The following IGDCC4 variants were observed in gnomAD, a reference collection of about 807,000 sequenced individuals.
The protein encoded by IGDCC4 is immunoglobulin superfamily DCC subclass member 4.
IGDCC4 carries 72 observed loss-of-function variants against 116.6 expected under a neutral mutation model. That is an observed-to-expected ratio of 0.62 (90% CI 0.51 to 0.75). The LOEUF (loss-of-function observed/expected upper bound fraction) is 0.75, where lower values mean the gene tolerates loss of function less well. IGDCC4 is among the 30% of genes least tolerant of loss of function. The pLI is 0.00. For missense variants in IGDCC4, 1,501 were observed against 1,662.4 expected (o/e 0.90, Z 1.69); for synonymous variants, 709 against 719.9 (o/e 0.98, Z 0.24).
intron 5 of IGDCC4, among the ~76,000 whole-genome samples, chr15:65,398,533 CAA>C (rs3082803): frequency 0.3 from 23,454 of 77,022 alleles, 2,661 homozygotes; most frequent in East Asian, 0.41. Context: ...AACTCCATCT[CAA>C]AAAAAAAAAA....
chr15:65,395,739 G>T lies in IGDCC4; in HGVS notation c.1411+11C>A. On this transcript the variant is annotated intron_variant, in intron 7 of 19. Transcript: ENST00000352385. ...GCCTGCGCTGGTGCATCCCGCCCCAGGCCGACGTACCCCGTGCCTTCTGGT... is the reference window on the plus strand; with the variant it reads ...GCCTGCGCTGGTGCATCCCGCCCCATGCCGACGTACCCCGTGCCTTCTGGT... The T allele has an allele frequency of 7.0e-7, 1 of 1,430,662 alleles. No individual in the cohort carries two copies. 88.6% of individuals were successfully genotyped at this position (1,430,662 alleles called of 1,614,324 possible).
rs750275249 is a variant in IGDCC4 at position 65,396,886 on chromosome 15, G to T, written c.945C>A (p.Asn315Lys). ...TGGCGAAGTCGCGCGTGCGGGGCTT[G>T]TTGGCGCGGCAGACATAGACGCCGG... Reference protein sequence around the residue: ...WHSGVYVCRANKPRTRDFATA... With the variant: ...WHSGVYVCRAKKPRTRDFATA... The change falls in exon 6 of 20, where the codon AAC becomes AAA. Residue 315 changes from asparagine (N) to lysine (K), a missense_variant. Physicochemically the swap from Asn to Lys is moderately conservative, Grantham distance 94. Coordinates refer to ENST00000352385, the MANE Select transcript of IGDCC4 (RefSeq NM_020962.3). 1 of 1,576,700 alleles carries T rather than the reference G, an allele frequency of 6.3e-7. No homozygotes were observed. The highest frequency in any genetic ancestry group is 1.2e-5 in the South Asian group (1 of 86,052).
At chr15:65,417,572 C>A (rs1050321145) in intron 1 of IGDCC4, among the ~76,000 whole-genome samples, 2 of 152,168 alleles carry the variant, frequency 1.3e-5, no homozygotes, top group African/African-American at 4.8e-5. Flanking sequence ...ACGCTGGCAC[C>A]CCCATCATCG....
At chr15:65,420,242 C>A (rs1356306720) in intron 1 of IGDCC4, among the ~76,000 whole-genome samples, 2 of 152,196 alleles carry the variant, frequency 1.3e-5, no homozygotes, top group African/African-American at 4.8e-5. Flanking sequence ...CCACCGCACC[C>A]GGCCTATTTC....
intron 12 of IGDCC4, 49 bp downstream of exon 12, chr15:65,391,831 C>A (rs753325083): frequency 2.6e-6 from 4 of 1,527,084 alleles, no homozygotes; most frequent in Non-Finnish European, 3.6e-6. Context: ...AAGCGGCTAG[C>A]AGAGCCCTCA....
intron 3 of IGDCC4, 48 bp from the exon 4 acceptor site, chr15:65,402,535 A>G (rs2062998643): frequency 5.2e-6 from 8 of 1,548,416 alleles, no homozygotes; most frequent in Non-Finnish European, 6.1e-6. Context: ...GGGGGGCCAC[A>G]GGGAGGGTGG....
At position 65,393,381 on chromosome 15, in the gene IGDCC4, C is replaced by G; in HGVS notation, c.1865G>C (p.Ser622Thr). 6.2e-7 allele frequency: 1 copy of G among 1,612,432 alleles called. No homozygotes were observed. Among genetic ancestry groups the G allele is most frequent in the Non-Finnish European group, 8.5e-7 (1 of 1,179,114 alleles). ...CGTACCATGGCTCTGGTTGTGCATA[C>G]TGGGCGTCCTGTGATGCATCCACTG... ...PSQWMHHRTP[S>T]MHNQSHVPFA... The change falls in exon 10 of 20, where the codon AGT becomes ACT. Residue 622 changes from serine (S) to threonine (T), a missense_variant. Physicochemically the swap from Ser to Thr is moderately conservative, Grantham distance 58. Coordinates refer to ENST00000352385, the MANE Select transcript of IGDCC4 (RefSeq NM_020962.3). This position sits in a 1 kb window ranked among gnomAD's most constrained non-coding sequence, Gnocchi z 4.6.
At chr15:65,398,652 GCGGATCACGAGGT>G (rs2062951827) in intron 5 of IGDCC4, among the ~76,000 whole-genome samples, 1 of 152,150 alleles carries the variant, frequency 6.6e-6, no homozygotes, top group Non-Finnish European at 1.5e-5. Flanking sequence ...GCCAAGGTGG[GCGGATCACGAGGT>G]TGGATCACGA....
chr15:65,402,597 A>G (rs549576301), intron 3 of IGDCC4, 110 bp from the exon 4 acceptor site: 20,245 of 1,382,696 alleles, frequency 0.015, 184 homozygotes, highest in Middle Eastern at 0.025. Context: ...GGCTGGGCGC[A>G]GTGGCTCACG....
At chr15:65,421,280 C>G (rs2063187486) in intron 1 of IGDCC4, among the ~76,000 whole-genome samples, 1 of 152,180 alleles carries the variant, frequency 6.6e-6, no homozygotes, top group Non-Finnish European at 1.5e-5. Flanking sequence ...AGCTGGGTGA[C>G]CCTGAGCTCG....
Position 65,390,152 on chromosome 15 carries a change from C to T in IGDCC4, c.2408+3G>A, listed in dbSNP as rs1468906450. 3.8e-6 allele frequency: 6 copies of T among 1,576,404 alleles called. No individual in the cohort carries two copies. In the African/African-American group the frequency reaches 6.7e-5, roughly 18 times the overall value. On this transcript the variant is annotated splice_donor_region_variant and intron_variant, in intron 13 of 19. Transcript: ENST00000352385. The stretch of plus-strand genomic sequence containing the variant: ...TTACATTAGTAAAGGCATTAGTCCC[C>T]ACCTGGTGTAATAGGTGACCAGGGA...
intron 5 of IGDCC4, among the ~76,000 whole-genome samples, chr15:65,399,186 G>C (rs2062958872): frequency 6.6e-6 from 1 of 151,982 alleles, no homozygotes. Flanking sequence ...CTTTCAGTTG[G>C]AGCACCGGGC....
At position 65,410,254 on chromosome 15, in the gene IGDCC4, C is replaced by G; in HGVS notation, c.487G>C (p.Glu163Gln). 1 of 1,614,052 alleles carries G rather than the reference C, an allele frequency of 6.2e-7. No homozygotes were observed. Among genetic ancestry groups the G allele is most frequent in the South Asian group, 1.1e-5 (1 of 91,084 alleles). The change falls in exon 3 of 20, where the codon GAG becomes CAG. Residue 163 changes from glutamate (E) to glutamine (Q), a missense_variant. This residue lies in a region of IGDCC4 where 898 missense variants were observed against 978.9 expected (regional missense o/e 0.92). Coordinates refer to ENST00000352385, the MANE Select transcript of IGDCC4 (RefSeq NM_020962.3). ...GCTGGCAGCCCTTCAATGTGGCACTCAAAGCGAGCTGTCCCGTTCTCCTCC... is the reference window on the plus strand; with the variant it reads ...GCTGGCAGCCCTTCAATGTGGCACTGAAAGCGAGCTGTCCCGTTCTCCTCC... ...TVEENGTARF[E>Q]CHIEGLPAPI...
rs1401272829 is a variant in IGDCC4, at chr15:65,411,247, C to T, written c.194G>A (p.Gly65Glu). Residue 65 changes from glycine (G) to glutamate (E), a missense_variant, in exon 2 of 20, where the codon GGA becomes GAA. Gly to Glu is a moderately conservative substitution (Grantham distance 98, BLOSUM62 -2). Transcript: ENST00000352385. Reference protein sequence around the residue: ...LNCSLGAAAAGPPTRVTWSKD... With the variant: ...LNCSLGAAAAEPPTRVTWSKD... Reference sequence around the variant, plus strand: ...GCTCCAGGTCACCCTGGTGGGGGGTCCAGCGGCAGCAGCCCCCAGGCTACA... The same window carrying T: ...GCTCCAGGTCACCCTGGTGGGGGGTTCAGCGGCAGCAGCCCCCAGGCTACA... 1.9e-6 allele frequency: 3 copies of T among 1,614,108 alleles called. No homozygotes were observed. Among genetic ancestry groups the T allele is most frequent in the Admixed American group, 1.7e-5 (1 of 60,030 alleles).
chr15:65,400,606 A>G (rs575881967), intron 5 of IGDCC4, among the ~76,000 whole-genome samples, 200 bp downstream of exon 5: 31 of 152,328 alleles, frequency 2.0e-4, no homozygotes, highest in African/African-American at 7.0e-4. Context: ...CATGCTACAC[A>G]GAGTGACAAG....
rs557049959 is a variant in IGDCC4 at position 65,393,871 on chromosome 15, A to C, written c.1715-340T>G. 6.6e-6 allele frequency among the ~76,000 whole-genome samples: 1 copy of C among 152,318 alleles called. No homozygotes were observed. Among genetic ancestry groups the C allele is most frequent in the African/African-American group, 2.4e-5 (1 of 41,574 alleles). On this transcript the variant is annotated intron_variant, in intron 9 of 19. Coordinates refer to ENST00000352385, the MANE Select transcript of IGDCC4 (RefSeq NM_020962.3). This position sits in a 1 kb window ranked among gnomAD's most constrained non-coding sequence, Gnocchi z 4.6. ...CAAGAGGCTGACCATGAAGGCCAGC[A>C]AGAACGCCTGGCTTCCAGAGCCCTG...
At position 65,422,892 on chromosome 15, in the gene IGDCC4, G is replaced by GCCGCCT. The variant is rs2063207879; in HGVS notation, c.-36_-31dup. ...CTGGGCTCGGGCCGCCGCCGCCGCC[G>GCCGCCT]CCGCCTCCCCGTGCTTCGGCCGCCG... On this transcript the variant is annotated 5_prime_UTR_variant, in exon 1 of 20. Transcript: ENST00000352385. 3 of 1,041,174 alleles carry GCCGCCT rather than the reference G, an allele frequency of 2.9e-6. No homozygotes were observed. Among genetic ancestry groups the GCCGCCT allele is most frequent in the African/African-American group, 1.7e-5 (1 of 57,710 alleles). The allele number at this position is 1,041,174 out of a possible 1,614,324, so 64.5% of individuals were successfully genotyped here.
In IGDCC4 at chr15:65,422,890, C is replaced by G; in HGVS notation, c.-28G>C. On this transcript the variant is annotated 5_prime_UTR_variant, in exon 1 of 20. Transcript: ENST00000352385. ...GGCTGGGCTCGGGCCGCCGCCGCCG[C>G]CGCCGCCTCCCCGTGCTTCGGCCGC... The G allele has an allele frequency of 9.6e-7, 1 of 1,043,196 alleles. No homozygotes were observed. Among genetic ancestry groups the G allele is most frequent in the Non-Finnish European group, 1.2e-6 (1 of 866,660 alleles). The allele number at this position is 1,043,196 out of a possible 1,614,324, so 64.6% of individuals were successfully genotyped here. A position where few individuals can be genotyped will look rare whatever the true frequency, so the allele number is the denominator to read the frequency against.
intron 2 of IGDCC4, 103 bp downstream of exon 2, chr15:65,410,917 A>G: frequency 2.3e-6 from 2 of 883,984 alleles, no homozygotes; most frequent in Non-Finnish European, 3.4e-6. Flanking sequence ...GGGGAGTGGG[A>G]TCAAGAGAGA....
Sources: gnomAD v4.1 joint callset for allele counts (sites outside exome capture counted in the v4.1 genomes callset) on GRCh38, gnomAD v4.1.1 for gene constraint, gnomAD v4.1.1 regional missense constraint, Gnocchi (gnomAD v3.1) non-coding constraint, MANE v1.5 for transcripts, NCBI Gene and HGNC (gene_info 2026-07-23, HGNC 2026-07-21) for gene names.